Variants in DPP6 observed in about 807,000 individuals in gnomAD.
DPP6 encodes the protein dipeptidyl peptidase like 6, also known as A-type potassium channel modulatory protein DPP6.
In DPP6, 69 loss-of-function variants were observed where a neutral mutation model predicts 122.6. The ratio of observed to expected loss-of-function variants is 0.56; its 90% CI spans 0.46 to 0.69. The LOEUF is 0.69. DPP6 is among the 30% of genes least tolerant of loss of function. The probability of loss-of-function intolerance (pLI) is 0.00; values close to 1 mark genes in which losing one functional copy is unlikely to be tolerated. For synonymous variants in DPP6, 418 were observed against 433.1 expected (o/e 0.97, Z 0.43); for missense variants, 928 against 1,116.9 (o/e 0.83, Z 2.41).
chr7:154,344,848 A>G (rs1364632366), intron 1 of DPP6, among the ~76,000 whole-genome samples: 1 of 152,162 alleles, frequency 6.6e-6, no homozygotes, highest in Non-Finnish European at 1.5e-5. Flanking sequence ...AGATCATGTC[A>G]CTGCACTCCA....
chr7:154,635,466 A>G (rs1013632365), intron 5 of DPP6, among the ~76,000 whole-genome samples: 7 of 152,236 alleles, frequency 4.6e-5, no homozygotes, highest in Admixed American at 2.6e-4. Context: ...GAAGTTTACA[A>G]AGAAGAAACC....
the DPP6 span, among the ~76,000 whole-genome samples, chr7:153,776,826 T>A: frequency 6.6e-6 from 1 of 152,252 alleles, no homozygotes; most frequent in East Asian, 1.9e-4. Context: ...CTTTAAAAAA[T>A]TGGGAAAATA....
chr7:154,879,083 G>A (rs1295202628), intron 20 of DPP6, among the ~76,000 whole-genome samples: 2 of 152,212 alleles, frequency 1.3e-5, no homozygotes, highest in African/African-American at 4.8e-5. Context: ...AGCCCAGAGA[G>A]GGTCCCAGCC....
chr7:153,782,531 C>T, the DPP6 span, among the ~76,000 whole-genome samples: 1 of 152,122 alleles, frequency 6.6e-6, no homozygotes. Context: ...GAGCTCAAAC[C>T]CCCTTAGCGT....
intron 1 of DPP6, among the ~76,000 whole-genome samples, chr7:154,220,017 C>T (rs1245265262): frequency 6.6e-6 from 1 of 152,208 alleles, no homozygotes; most frequent in Non-Finnish European, 1.5e-5. Context: ...CACAGCCTTT[C>T]ACCTGTGCTT....
the DPP6 span, among the ~76,000 whole-genome samples, chr7:153,821,730 G>A: frequency 7.6e-6 from 1 of 132,440 alleles, no homozygotes; most frequent in Non-Finnish European, 1.6e-5. Context: ...AGTGATGTTC[G>A]CATTTTCATT....
intron 1 of DPP6, among the ~76,000 whole-genome samples, chr7:154,018,260 A>G (rs1034183097): frequency 6.6e-6 from 1 of 151,936 alleles, no homozygotes; most frequent in African/African-American, 2.4e-5. Flanking sequence ...CAGAACCCAC[A>G]GAGGCCAACA....
chr7:154,218,099 G>A (rs900275267), intron 1 of DPP6, among the ~76,000 whole-genome samples: 1 of 152,126 alleles, frequency 6.6e-6, no homozygotes, highest in East Asian at 1.9e-4. Flanking sequence ...ATCCACCATC[G>A]TTTCCCCCAT....
chr7:154,132,766 C>T (rs971009715), intron 1 of DPP6, among the ~76,000 whole-genome samples: 7 of 152,080 alleles, frequency 4.6e-5, no homozygotes, highest in African/African-American at 1.7e-4. Flanking sequence ...CTTTATCCCT[C>T]ACTGGGCCAC....
At chr7:154,304,604 A>C (rs1166647294) in intron 1 of DPP6, among the ~76,000 whole-genome samples, 1 of 151,506 alleles carries the variant, frequency 6.6e-6, no homozygotes, top group Non-Finnish European at 1.5e-5. Flanking sequence ...TCTTTCTTTT[A>C]ATGGACAAAC....
chr7:154,694,774 A>T (rs953671274), intron 7 of DPP6, among the ~76,000 whole-genome samples: 2 of 152,136 alleles, frequency 1.3e-5, no homozygotes, highest in South Asian at 2.1e-4. Context: ...CCATTTTCCC[A>T]TGCCTGGGGG....
At chr7:154,060,221 C>A (rs1246802883) in intron 1 of DPP6, among the ~76,000 whole-genome samples, 1 of 146,252 alleles carries the variant, frequency 6.8e-6, no homozygotes, top group African/African-American at 2.6e-5. Flanking sequence ...CCTCTTCCCC[C>A]CTTTGCTCTT....
intron 1 of DPP6, among the ~76,000 whole-genome samples, chr7:154,385,539 G>T (rs774635762): frequency 1.3e-5 from 2 of 152,104 alleles, no homozygotes; most frequent in Non-Finnish European, 2.9e-5. Flanking sequence ...TTAGAGACTG[G>T]CCCTTGTTGT....
chr7:154,850,625 A>G (rs907100871), intron 16 of DPP6, among the ~76,000 whole-genome samples: 11 of 152,046 alleles, frequency 7.2e-5, no homozygotes, highest in Non-Finnish European at 1.0e-4. Flanking sequence ...TATTGATTCA[A>G]TCTTCTTACT....
chr7:154,514,198 C>A (rs1188822502), intron 3 of DPP6, among the ~76,000 whole-genome samples: 1 of 152,046 alleles, frequency 6.6e-6, no homozygotes, highest in Non-Finnish European at 1.5e-5. Flanking sequence ...ATCCCTTGAA[C>A]CCGGGAGGCA....
chr7:154,495,813 G>A (rs1824685783), intron 3 of DPP6, among the ~76,000 whole-genome samples: 1 of 152,216 alleles, frequency 6.6e-6, no homozygotes, highest in African/African-American at 2.4e-5. Context: ...AACAACAAGT[G>A]GGCGAGTCAC....
intron 3 of DPP6, 78 bp from the exon 4 acceptor site, chr7:154,540,454 T>G: frequency 1.1e-6 from 1 of 898,718 alleles, no homozygotes; most frequent in East Asian, 2.6e-5. Context: ...GTGATTTTAC[T>G]TTACATAAGC....
At chr7:154,055,984 G>C in intron 1 of DPP6, 1 of 152,186 alleles carries the variant, frequency 6.6e-6, no homozygotes, top group Non-Finnish European at 1.5e-5. Flanking sequence ...CTACATGCCT[G>C]AGCATGACTG....
chr7:154,147,261 C>T (rs1415608476), intron 1 of DPP6, among the ~76,000 whole-genome samples: 5 of 152,314 alleles, frequency 3.3e-5, no homozygotes, highest in African/African-American at 9.6e-5. Flanking sequence ...GTGACCTTCA[C>T]TAGCTCACTT....
Sources: gnomAD v4.1 joint callset for allele counts (sites outside exome capture counted in the v4.1 genomes callset) on GRCh38, gnomAD v4.1.1 for gene constraint, MANE v1.5 for transcripts, NCBI Gene and HGNC (gene_info 2026-07-23, HGNC 2026-07-21) for gene names.